The following PPP4R2 variants were observed in gnomAD, a reference collection of about 807,000 sequenced individuals.
The protein encoded by PPP4R2 is protein phosphatase 4 regulatory subunit 2.
A neutral mutation model predicts 47.2 loss-of-function variants in PPP4R2; 13 were observed. The observed-to-expected ratio is 0.28, with a 90% CI of 0.18 to 0.44. The LOEUF is 0.44. Ranked by LOEUF, PPP4R2 falls within the 20% of genes least tolerant of loss-of-function variation. The pLI, the probability that PPP4R2 is intolerant of heterozygous loss-of-function variation, is 1.00. For synonymous variants in PPP4R2, 151 were observed against 163.3 expected (o/e 0.92, Z 0.57); for missense variants, 421 against 491.2 (o/e 0.86, Z 1.35).
rs72246096 is a variant in PPP4R2, at chr3:73,022,768, C to CTT, written c.117-24401_117-24400dup. On this transcript the variant is annotated intron_variant, in intron 2 of 8. Transcript: ENST00000356692. ...CCTAGAATTGCAGCTTGCCGCATTTCTTTTTTTTTTTTTTTTTTAAACAAT... is the reference window on the plus strand; with the variant it reads ...CCTAGAATTGCAGCTTGCCGCATTTCTTTTTTTTTTTTTTTTTTTTAAACAAT... Among the ~76,000 whole-genome samples, 37 of 136,994 alleles carry CTT rather than the reference C, an allele frequency of 2.7e-4. 1 individual carries two copies. The highest frequency in any genetic ancestry group is 7.9e-4 in the African/African-American group (30 of 37,794). The allele number at this position is 136,994 out of a possible 152,430, so 89.9% of individuals were successfully genotyped here. A position where few individuals can be genotyped will look rare whatever the true frequency, so the allele number is the denominator to read the frequency against.
At chr3:73,058,731 A>G (rs1366974801) in intron 3 of PPP4R2, among the ~76,000 whole-genome samples, 1 of 152,052 alleles carries the variant, frequency 6.6e-6, no homozygotes, top group Non-Finnish European at 1.5e-5. Flanking sequence ...CTGTTGTGCT[A>G]TCAAATACTA....
rs1701350912 is a variant in PPP4R2 at position 72,996,824 on chromosome 3, G to C, written c.-214G>C. On this transcript the variant is annotated 5_prime_UTR_variant, in exon 1 of 9. Coordinates refer to ENST00000356692, the MANE Select transcript of PPP4R2 (RefSeq NM_174907.4). ...CGGTGACGTACCGGGCGCCATGTTG[G>C]AGGGTTGGTGGTAGCGGCTTGGGGA... 4 of 392,760 alleles carry C rather than the reference G, an allele frequency of 1.0e-5. No homozygotes were observed. The highest frequency in any genetic ancestry group is 1.4e-5 in the Non-Finnish European group (3 of 220,378). The allele number at this position is 392,760 out of a possible 1,614,324, so 24.3% of individuals were successfully genotyped here.
intron 5 of PPP4R2, chr3:73,063,067 G>T (rs1310031014): frequency 1.5e-6 from 1 of 683,564 alleles, no homozygotes; most frequent in African/African-American, 1.9e-5. Context: ...TGAGTTTGGG[G>T]GTGTACTTTG....
chr3:73,062,588 A>G, intron 5 of PPP4R2: 1 of 1,613,990 alleles, frequency 6.2e-7, no homozygotes, highest in Non-Finnish European at 8.5e-7. Context: ...GCAGATTCAA[A>G]GATATGCCTA....
intron 3 of PPP4R2, among the ~76,000 whole-genome samples, chr3:73,052,190 A>G (rs956824909): frequency 2.7e-5 from 4 of 150,228 alleles, no homozygotes; most frequent in African/African-American, 4.9e-5. Context: ...ATTTATATCT[A>G]TTTTGTCTAT....
intron 2 of PPP4R2, among the ~76,000 whole-genome samples, chr3:73,023,108 TA>T (rs1701992858): frequency 6.6e-6 from 1 of 152,186 alleles, no homozygotes; most frequent in African/African-American, 2.4e-5. Context: ...TTTGCCTTTT[TA>T]AAATTGTTAA....
At chr3:73,064,478 G>A (rs893882586) in intron 7 of PPP4R2, among the ~76,000 whole-genome samples, 1 of 152,158 alleles carries the variant, frequency 6.6e-6, no homozygotes, top group African/African-American at 2.4e-5. Flanking sequence ...TCTCATTGTA[G>A]TTCATAAAAG....
At chr3:73,023,009 TTTAG>T (rs1257301642) in intron 2 of PPP4R2, among the ~76,000 whole-genome samples, 1 of 152,096 alleles carries the variant, frequency 6.6e-6, no homozygotes, top group Admixed American at 6.6e-5. Context: ...TGCTTTTATA[TTTAG>T]TTGGTATTGT....
chr3:73,025,391 A>G (rs1374941726), intron 2 of PPP4R2, among the ~76,000 whole-genome samples: 1 of 152,108 alleles, frequency 6.6e-6, no homozygotes, highest in Non-Finnish European at 1.5e-5. Flanking sequence ...TATTGTTCTT[A>G]CTAAGATCTT....
intron 2 of PPP4R2, among the ~76,000 whole-genome samples, chr3:73,019,549 T>C (rs1252000176): frequency 5.3e-5 from 8 of 152,166 alleles, no homozygotes; most frequent in African/African-American, 1.9e-4. Flanking sequence ...AATTTTTGTA[T>C]TTTTAGTAGA....
At chr3:73,058,404 G>A (rs200224020) in intron 3 of PPP4R2, among the ~76,000 whole-genome samples, 1 of 151,996 alleles carries the variant, frequency 6.6e-6, no homozygotes, top group East Asian at 1.9e-4. Context: ...TACCTCTCTT[G>A]TAAACTTAAA....
At chr3:73,041,383 A>T (rs373706345) in intron 2 of PPP4R2, among the ~76,000 whole-genome samples, 2 of 152,212 alleles carry the variant, frequency 1.3e-5, no homozygotes, top group East Asian at 1.9e-4. Flanking sequence ...GTGTTTTCTT[A>T]CTTTTGCAGA....
intron 2 of PPP4R2, among the ~76,000 whole-genome samples, chr3:73,004,865 G>A (rs141414915): frequency 1.9e-5 from 1 of 51,650 alleles, no homozygotes. Flanking sequence ...GTGTGTGTGT[G>A]TGTGTTTGTT....
Position 73,024,537 on chromosome 3 carries a change from G to A in PPP4R2, c.117-22649G>A, listed in dbSNP as rs373709670. ...TGGTTCATTTGGGAATGTCCACCCA[G>A]ATTTGAATTAATTTAGTAGTCTCAC... On this transcript the variant is annotated intron_variant, in intron 2 of 8. Transcript: ENST00000356692. Among the ~76,000 whole-genome samples the A allele has an allele frequency of 3.3e-5, 5 of 152,094 alleles. No homozygotes were observed. The South Asian group carries it at 1.0e-3, about 31-fold the overall frequency.
intron 2 of PPP4R2, among the ~76,000 whole-genome samples, chr3:73,009,098 G>A (rs1701671935): frequency 6.6e-6 from 1 of 152,132 alleles, no homozygotes; most frequent in African/African-American, 2.4e-5. Context: ...CATCACTTAA[G>A]TTACTGTTGG....
chr3:73,049,546 A>G (rs539264563), intron 3 of PPP4R2, among the ~76,000 whole-genome samples: 1 of 152,242 alleles, frequency 6.6e-6, no homozygotes, highest in Non-Finnish European at 1.5e-5. Flanking sequence ...TTGTACATAT[A>G]TATAAATAGT....
intron 2 of PPP4R2, among the ~76,000 whole-genome samples, chr3:73,045,291 C>G (rs965328129): frequency 6.6e-6 from 1 of 152,168 alleles, no homozygotes; most frequent in Non-Finnish European, 1.5e-5. Context: ...GCGTGAGCCA[C>G]CACACCTGGC....
At chr3:72,998,028 G>T (rs1489461930) in intron 1 of PPP4R2, 49 bp from the exon 2 acceptor site, 2 of 1,330,390 alleles carry the variant, frequency 1.5e-6, no homozygotes, top group South Asian at 1.2e-5. Context: ...TTTGTTTTTA[G>T]AGCGCTTTTG....
chr3:73,053,905 T>C (rs1431936956), intron 3 of PPP4R2, among the ~76,000 whole-genome samples: 1 of 52,868 alleles, frequency 1.9e-5, no homozygotes, highest in South Asian at 8.3e-4. Context: ...CGAGACACCA[T>C]CTCAAAAAAA....
Sources: allele counts gnomAD v4.1 joint callset (sites outside exome capture counted in the v4.1 genomes callset), GRCh38; gene constraint gnomAD v4.1.1; transcripts MANE v1.5; gene names NCBI Gene and HGNC (gene_info 2026-07-23, HGNC 2026-07-21).